Variants in TNNI3 observed in about 807,000 individuals in gnomAD.
TNNI3 encodes the protein troponin I3, cardiac type.
Under a neutral mutation model 31.5 loss-of-function variants are expected in TNNI3, and 23 were observed. The ratio of observed to expected loss-of-function variants is 0.73; its 90% CI spans 0.52 to 1.03. The LOEUF (loss-of-function observed/expected upper bound fraction) is 1.03, where lower values mean the gene tolerates loss of function less well. TNNI3 is among the 50% of genes least tolerant of loss of function. TNNI3 has a pLI of 0.00. For missense variants in TNNI3, 236 were observed against 282.9 expected (o/e 0.83, Z 1.19); for synonymous variants, 120 against 111.7 (o/e 1.07, Z -0.47).
At chr19:55,153,443 T>G (rs145235851) in intron 7 of TNNI3, among the ~76,000 whole-genome samples, 1 of 152,142 alleles carries the variant, frequency 6.6e-6, no homozygotes, top group Non-Finnish European at 1.5e-5. Context: ...GGTGCAGTCA[T>G]AGCTCACTGC....
chr19:55,151,782 A>C lies in TNNI3; in HGVS notation c.*52T>G, dbSNP rs1015384524. 8.3e-6 allele frequency: 13 copies of C among 1,557,836 alleles called. No homozygotes were observed. The highest frequency in any genetic ancestry group is 1.2e-5 in the Non-Finnish European group (13 of 1,129,234). ...ATGGAGTCACTTTCAGCTCAGAGAG[A>C]AGCTTTATTCCTCAGGGCCCTCCTC... On this transcript the variant is annotated 3_prime_UTR_variant, in exon 8 of 8. Coordinates refer to ENST00000344887, the MANE Select transcript of TNNI3 (RefSeq NM_000363.5).
chr19:55,154,237 C>G lies in TNNI3; in HGVS notation c.373-31G>C, dbSNP rs371097843. 3.7e-4 allele frequency: 599 copies of G among 1,603,716 alleles called. 1 individual carries two copies. The highest frequency in any genetic ancestry group is 8.1e-4 in the South Asian group (74 of 90,904). ...GGCACACGAGGGGGTGGGTACTTCT[C>G]CTTCCATTTCCCGCACACCCAACTC... On this transcript the variant is annotated intron_variant, in intron 6 of 7. Transcript: ENST00000344887.
rs1163881014 is a variant in TNNI3, at chr19:55,152,347, A to G, written c.550-430T>C. Among the ~76,000 whole-genome samples the G allele has an allele frequency of 6.6e-6, 1 of 151,910 alleles. No individual in the cohort carries two copies. The highest frequency in any genetic ancestry group is 6.6e-5 in the Admixed American group (1 of 15,250). ...GTAGTCCCTCCTTTTCTGCAATTTT[A>G]CTTTGTGTGGTTTCAGTTACCTGAG... On this transcript the variant is annotated intron_variant, in intron 7 of 7. Transcript: ENST00000344887. The surrounding 1 kb of genome is among the most constrained non-coding windows in gnomAD (Gnocchi z 4.0).
Position 55,156,903 on chromosome 19 carries a change from AT to A in TNNI3, c.108+146del. 1 of 1,008,416 alleles carries A rather than the reference AT, an allele frequency of 9.9e-7. No homozygotes were observed. Among genetic ancestry groups the A allele is most frequent in the Non-Finnish European group, 1.5e-6 (1 of 668,166 alleles). 62.5% of individuals were successfully genotyped at this position (1,008,416 alleles called of 1,614,324 possible). A position where few individuals can be genotyped will look rare whatever the true frequency, so the allele number is the denominator to read the frequency against. On this transcript the variant is annotated intron_variant, in intron 3 of 7. Coordinates refer to ENST00000344887, the MANE Select transcript of TNNI3 (RefSeq NM_000363.5). This position sits in a 1 kb window ranked among gnomAD's most constrained non-coding sequence, Gnocchi z 4.6. ...TTCCGCCCGCAGGCTGCTGTCACCA[AT>A]CCGAGCATGACCCTCTGCAAAACTC... is the stretch of plus-strand genomic sequence containing the variant.
Position 55,154,147 on chromosome 19 carries a change from C to A in TNNI3, c.432G>T (p.Leu144=), listed in dbSNP as rs776615304. The A allele has an allele frequency of 5.0e-6, 8 of 1,613,416 alleles. No individual in the cohort carries two copies. Among genetic ancestry groups the A allele is most frequent in the African/African-American group, 1.3e-5 (1 of 75,036 alleles). The change falls in exon 7 of 8, where the codon CTG becomes CTT. Residue 144 remains leucine (L), a synonymous_variant. Transcript: ENST00000344887. ...DLRGKFKRPT[L]RRVRISADAM... is the part of the protein sequence containing the mutation. ...CATCTGCAGAGATCCTCACTCTCCG[C>A]AGGGTGGGCCGCTTAAACTTGCCTC...
rs1471135203 is a variant in TNNI3 at position 55,156,886 on chromosome 19, G to A, written c.108+164C>T. Reference sequence around the variant, plus strand: ...GTCCGAGGGCAACGGAGTTCCGCCCGCAGGCTGCTGTCACCAATCCGAGCA... The same window carrying A: ...GTCCGAGGGCAACGGAGTTCCGCCCACAGGCTGCTGTCACCAATCCGAGCA... On this transcript the variant is annotated intron_variant, in intron 3 of 7. Coordinates refer to ENST00000344887, the MANE Select transcript of TNNI3 (RefSeq NM_000363.5). The surrounding 1 kb of genome is among the most constrained non-coding windows in gnomAD (Gnocchi z 4.6). 6.5e-6 allele frequency: 6 copies of A among 926,292 alleles called. No individual in the cohort carries two copies. Among genetic ancestry groups the A allele is most frequent in the Non-Finnish European group, 1.0e-5 (6 of 594,848 alleles). The allele number at this position is 926,292 out of a possible 1,614,324, so 57.4% of individuals were successfully genotyped here. A position where few individuals can be genotyped will look rare whatever the true frequency, so the allele number is the denominator to read the frequency against.
chr19:55,155,390 G>C (rs1238117457), intron 5 of TNNI3, among the ~76,000 whole-genome samples: 1 of 83,910 alleles, frequency 1.2e-5, no homozygotes, highest in Non-Finnish European at 2.3e-5. Flanking sequence ...GGAGAGGCTG[G>C]GGCCTGGACT....
chr19:55,155,132 G>A (rs1262277815), intron 5 of TNNI3, among the ~76,000 whole-genome samples: 5 of 91,724 alleles, frequency 5.5e-5, no homozygotes, highest in East Asian at 3.3e-4. Context: ...GAGGGAGGAG[G>A]GGCTGGGGAC....
At chr19:55,155,245 G>A (rs1170181985) in intron 5 of TNNI3, among the ~76,000 whole-genome samples, 1 of 70,052 alleles carries the variant, frequency 1.4e-5, no homozygotes, top group Admixed American at 1.3e-4. Context: ...AGGAGGGGCT[G>A]GGGCCTGGAC....
Position 55,156,424 on chromosome 19 carries a change from A to C in TNNI3, c.151-92T>G. On this transcript the variant is annotated intron_variant, in intron 4 of 7. Transcript: ENST00000344887. The surrounding 1 kb of genome is among the most constrained non-coding windows in gnomAD (Gnocchi z 4.6). ...CCGCCTCTGCCCTTCTAAACCCTCC[A>C]GTTTGGTCTCCACTGTTCCAAGGCC... The C allele has an allele frequency of 6.5e-7, 1 of 1,529,618 alleles. No individual in the cohort carries two copies. The highest frequency in any genetic ancestry group is 8.8e-7 in the Non-Finnish European group (1 of 1,134,196). The allele number at this position is 1,529,618 out of a possible 1,614,324, so 94.8% of individuals were successfully genotyped here.
Position 55,157,017 on chromosome 19 carries a change from C to T in TNNI3, c.108+33G>A. On this transcript the variant is annotated intron_variant, in intron 3 of 7. Transcript: ENST00000344887. The surrounding 1 kb of genome is among the most constrained non-coding windows in gnomAD (Gnocchi z 6.3). ...CCCAGGGTCTTGGATCCCTCCGGCGCCTGTACTCTGCCCCCAGGAAGCCCC... is the reference window on the plus strand; with the variant it reads ...CCCAGGGTCTTGGATCCCTCCGGCGTCTGTACTCTGCCCCCAGGAAGCCCC... The T allele has an allele frequency of 6.4e-7, 1 of 1,559,314 alleles. No individual in the cohort carries two copies. Among genetic ancestry groups the T allele is most frequent in the Non-Finnish European group, 8.7e-7 (1 of 1,155,032 alleles).
chr19:55,154,233 T>C (rs377646306), intron 6 of TNNI3, 27 bp from the exon 7 acceptor site: 5 of 1,606,718 alleles, frequency 3.1e-6, no homozygotes, highest in Admixed American at 1.7e-5. Context: ...GGGTGGGTAC[T>C]TCTCCTTCCA....
rs2085733315 is a variant in TNNI3, at chr19:55,156,693, G to A, written c.109-49C>T. ...GAAGGATCATGGAGGGGGATTCGGAGACGACGGTGGAGGGGACCTCAAGAC... is the reference window on the plus strand; with the variant it reads ...GAAGGATCATGGAGGGGGATTCGGAAACGACGGTGGAGGGGACCTCAAGAC... On this transcript the variant is annotated intron_variant, in intron 3 of 7. Coordinates refer to ENST00000344887, the MANE Select transcript of TNNI3 (RefSeq NM_000363.5). The surrounding 1 kb of genome is among the most constrained non-coding windows in gnomAD (Gnocchi z 4.6). The A allele has an allele frequency of 6.5e-7, 1 of 1,548,880 alleles. No homozygotes were observed. Among genetic ancestry groups the A allele is most frequent in the Non-Finnish European group, 8.7e-7 (1 of 1,143,450 alleles).
At position 55,152,553 on chromosome 19, in the gene TNNI3, C is replaced by G. The variant is rs1288382506; in HGVS notation, c.550-636G>C. On this transcript the variant is annotated intron_variant, in intron 7 of 7. Transcript: ENST00000344887. This position sits in a 1 kb window ranked among gnomAD's most constrained non-coding sequence, Gnocchi z 4.0. Reference sequence around the variant, plus strand: ...ATCACAAGGAAAAGAAGGGTGATTACAGTGCTATAAGATATTTTGAGAAAG... The same window carrying G: ...ATCACAAGGAAAAGAAGGGTGATTAGAGTGCTATAAGATATTTTGAGAAAG... 6.6e-6 allele frequency among the ~76,000 whole-genome samples: 1 copy of G among 152,186 alleles called. No individual in the cohort carries two copies. Among genetic ancestry groups the G allele is most frequent in the African/African-American group, 2.4e-5 (1 of 41,436 alleles).
Position 55,157,440 on chromosome 19 carries a change from C to G in TNNI3, c.12-132G>C. ...CCTTCCTTGGGTTCCAGGAGTCTGA[C>G]TCGCAAACCCACTTCCTCTCTTCAC... On this transcript the variant is annotated intron_variant, in intron 1 of 7. Transcript: ENST00000344887. The surrounding 1 kb of genome is among the most constrained non-coding windows in gnomAD (Gnocchi z 6.3). The G allele has an allele frequency of 6.3e-7, 1 of 1,579,268 alleles. No homozygotes were observed. Among genetic ancestry groups the G allele is most frequent in the Non-Finnish European group, 8.7e-7 (1 of 1,152,990 alleles).
rs1182120462 is a variant in TNNI3 at position 55,151,790 on chromosome 19, T to C, written c.*44A>G. ...ACTTTCAGCTCAGAGAGAAGCTTTA[T>C]TCCTCAGGGCCCTCCTCAGGGCAGG... On this transcript the variant is annotated 3_prime_UTR_variant, in exon 8 of 8. Coordinates refer to ENST00000344887, the MANE Select transcript of TNNI3 (RefSeq NM_000363.5). 37 of 1,579,206 alleles carry C rather than the reference T, an allele frequency of 2.3e-5. No homozygotes were observed. The East Asian group carries it at 7.6e-4, about 33-fold the overall frequency.
intron 6 of TNNI3, 105 bp from the exon 7 acceptor site, chr19:55,154,311 C>T (rs980512405): frequency 1.7e-5 from 21 of 1,246,672 alleles, no homozygotes; most frequent in Admixed American, 5.9e-5. Flanking sequence ...CTTCCAGTAC[C>T]GAGGCCTTAC....
In TNNI3 at chr19:55,156,815, T is replaced by C. The variant is rs2147285564; in HGVS notation, c.109-171A>G. On this transcript the variant is annotated intron_variant, in intron 3 of 7. Coordinates refer to ENST00000344887, the MANE Select transcript of TNNI3 (RefSeq NM_000363.5). The surrounding 1 kb of genome is among the most constrained non-coding windows in gnomAD (Gnocchi z 4.6). ...CGCCCCTCATTCCCATCCACCAATC[T>C]GGGTCTCTTCCTTTGGATAGGCACT... The C allele has an allele frequency of 1.1e-6, 1 of 873,998 alleles. No individual in the cohort carries two copies. The highest frequency in any genetic ancestry group is 1.8e-6 in the Non-Finnish European group (1 of 542,630). 54.1% of individuals were successfully genotyped at this position (873,998 alleles called of 1,614,324 possible).
rs1315063739 is a variant in TNNI3 at position 55,154,184 on chromosome 19, ATCT to A, written c.392_394del (p.Lys131del). On this transcript the variant is annotated inframe_deletion, in exon 7 of 8. Transcript: ENST00000344887. The stretch of plus-strand genomic sequence containing the variant: ...CTTAAACTTGCCTCGAAGGTCAAAG[ATCT>A]TCTGAGTCAGATCTGCAATCTGGGG... The A allele has an allele frequency of 1.2e-6, 2 of 1,612,244 alleles. No homozygotes were observed. The highest frequency in any genetic ancestry group is 1.3e-5 in the African/African-American group (1 of 74,770).
Sources: gnomAD v4.1 joint callset for allele counts (sites outside exome capture counted in the v4.1 genomes callset) on GRCh38, gnomAD v4.1.1 for gene constraint, Gnocchi (gnomAD v3.1) non-coding constraint, MANE v1.5 for transcripts, NCBI Gene and HGNC (gene_info 2026-07-23, HGNC 2026-07-21) for gene names.